KCNH1: variants seen among roughly 807,000 people sequenced by gnomAD.
KCNH1 encodes potassium voltage-gated channel subfamily H member 1.
KCNH1 carries 27 observed loss-of-function variants against 69.2 expected under a neutral mutation model. The observed-to-expected ratio is 0.39, with a 90% CI of 0.29 to 0.54. The LOEUF (loss-of-function observed/expected upper bound fraction) is 0.54. Ranked by LOEUF, KCNH1 falls within the 20% of genes least tolerant of loss-of-function variation. The pLI is 0.68. For synonymous variants in KCNH1, 456 were observed against 487.7 expected, an observed-to-expected ratio of 0.93 and a Z score of 0.86; for missense variants, 798 against 1,261.6, an observed-to-expected ratio of 0.63 and a Z score of 5.57.
At chr1:211,058,551 G>T (rs1048473071) in intron 5 of KCNH1, among the ~76,000 whole-genome samples, 1 of 152,014 alleles carries the variant, frequency 6.6e-6, no homozygotes, top group African/African-American at 2.4e-5. Flanking sequence ...AATAATGGCT[G>T]ATATTATTCC....
At chr1:210,865,301 A>G (rs1686083774) in intron 7 of KCNH1, among the ~76,000 whole-genome samples, 1 of 152,240 alleles carries the variant, frequency 6.6e-6, no homozygotes, top group Non-Finnish European at 1.5e-5. Context: ...TAATACTGCA[A>G]GGTAATTTAT....
In KCNH1 at chr1:210,682,169, C is replaced by G. The variant is rs1184065678; in HGVS notation, c.*1112G>C. ...TTTTCCATTTTCTCTTGAAATCCTA[C>G]TGACTTTAATAGGAAATAGAGAGAC... On this transcript the variant is annotated 3_prime_UTR_variant, in exon 11 of 11. Coordinates refer to ENST00000271751, the MANE Select transcript of KCNH1 (RefSeq NM_172362.3). 6.6e-6 allele frequency: 1 copy of G among 152,208 alleles called. No individual in the cohort carries two copies. The highest frequency in any genetic ancestry group is 1.5e-5 in the Non-Finnish European group (1 of 68,040). 9.4% of individuals were successfully genotyped at this position (152,208 alleles called of 1,614,324 possible).
intron 6 of KCNH1, among the ~76,000 whole-genome samples, chr1:210,966,474 C>T (rs1254724034): frequency 6.6e-6 from 1 of 152,154 alleles, no homozygotes; most frequent in East Asian, 1.9e-4. Context: ...AAAATTTTTG[C>T]AAGCTACTCA....
chr1:210,742,839 GTGTC>G, intron 10 of KCNH1, among the ~76,000 whole-genome samples: 1 of 152,056 alleles, frequency 6.6e-6, no homozygotes, highest in Non-Finnish European at 1.5e-5. Context: ...TTCATGGTGT[GTGTC>G]TGTGTGTGTG....
chr1:211,096,125 G>A (rs55920547), intron 3 of KCNH1, among the ~76,000 whole-genome samples: 2,890 of 151,894 alleles, frequency 0.019, 102 homozygotes, highest in African/African-American at 0.066. Context: ...GTGCAGTGGC[G>A]CAATCTCAGC....
chr1:211,043,371 C>T (rs1029734368), intron 5 of KCNH1, among the ~76,000 whole-genome samples: 16 of 152,072 alleles, frequency 1.1e-4, no homozygotes, highest in Admixed American at 3.9e-4. Flanking sequence ...TGGATGAATT[C>T]CTGGAAAGAT....
chr1:210,820,919 G>A (rs1241821889), intron 7 of KCNH1, among the ~76,000 whole-genome samples: 3 of 152,156 alleles, frequency 2.0e-5, no homozygotes, highest in African/African-American at 7.2e-5. Flanking sequence ...GCACAGCCCT[G>A]CTGACACTTT....
chr1:210,820,151 T>C (rs1684900453), intron 7 of KCNH1, among the ~76,000 whole-genome samples: 2 of 152,240 alleles, frequency 1.3e-5, no homozygotes, highest in Admixed American at 6.5e-5. Flanking sequence ...AGATAACTCA[T>C]ACAGAAATGT....
intron 8 of KCNH1, among the ~76,000 whole-genome samples, chr1:210,798,943 T>G (rs1014166382): frequency 1.3e-5 from 2 of 151,998 alleles, no homozygotes; most frequent in Admixed American, 6.6e-5. Flanking sequence ...ATCAAACACA[T>G]TATGGTATGT....
At chr1:210,926,595 T>C (rs1182800458) in intron 6 of KCNH1, among the ~76,000 whole-genome samples, 1 of 152,110 alleles carries the variant, frequency 6.6e-6, no homozygotes, top group East Asian at 1.9e-4. Flanking sequence ...TTCCCTCTGA[T>C]ATAGTAAACC....
intron 7 of KCNH1, among the ~76,000 whole-genome samples, chr1:210,863,560 A>G (rs1007823504): frequency 3.3e-5 from 5 of 152,190 alleles, no homozygotes; most frequent in Non-Finnish European, 7.3e-5. Flanking sequence ...AGTAAATGCC[A>G]TTTCCAGTTA....
intron 5 of KCNH1, among the ~76,000 whole-genome samples, chr1:211,021,666 A>G (rs1558571096): frequency 6.6e-6 from 1 of 152,118 alleles, no homozygotes; most frequent in Non-Finnish European, 1.5e-5. Context: ...TACAAAAGTC[A>G]GTAGCATTTC....
chr1:210,954,009 T>C (rs1688112799), intron 6 of KCNH1, among the ~76,000 whole-genome samples: 1 of 152,182 alleles, frequency 6.6e-6, no homozygotes, highest in Non-Finnish European at 1.5e-5. Flanking sequence ...CAACTCGTCA[T>C]TTACATTAGG....
chr1:210,862,066 G>T, intron 7 of KCNH1: 1 of 815,954 alleles, frequency 1.2e-6, no homozygotes. Context: ...ATACTTTTGT[G>T]CTGTTTCTTG....
chr1:210,956,475 T>A (rs1215245284), intron 6 of KCNH1, among the ~76,000 whole-genome samples: 1 of 152,028 alleles, frequency 6.6e-6, no homozygotes, highest in East Asian at 1.9e-4. Flanking sequence ...TCAGAAGGAA[T>A]GGTACAAGCT....
chr1:210,913,728 T>C (rs1268536864), intron 7 of KCNH1, among the ~76,000 whole-genome samples: 1 of 152,212 alleles, frequency 6.6e-6, no homozygotes, highest in African/African-American at 2.4e-5. Flanking sequence ...AGAAGGAAAG[T>C]TGAGGCTGAC....
At chr1:210,769,872 C>T (rs1683717413) in intron 10 of KCNH1, among the ~76,000 whole-genome samples, 1 of 152,126 alleles carries the variant, frequency 6.6e-6, no homozygotes, top group South Asian at 2.1e-4. Context: ...TTCAGAACCT[C>T]TAAGACTGGA....
intron 7 of KCNH1, among the ~76,000 whole-genome samples, chr1:210,832,907 C>CATATATATATATATATAT (rs367619819): frequency 0.048 from 5,261 of 110,338 alleles, 294 homozygotes; most frequent in Non-Finnish European, 0.084. Context: ...TTCTCAAATA[C>CATATATATATATATATAT]ATATATATAT....
chr1:210,958,678 TC>T (rs1688232095), intron 6 of KCNH1, among the ~76,000 whole-genome samples: 1 of 152,214 alleles, frequency 6.6e-6, no homozygotes, highest in African/African-American at 2.4e-5. Context: ...ATCACTGATA[TC>T]CTTTCTTCCA....
Sources: allele counts gnomAD v4.1 joint callset (sites outside exome capture counted in the v4.1 genomes callset), GRCh38; gene constraint gnomAD v4.1.1; transcripts MANE v1.5; gene names NCBI Gene and HGNC (gene_info 2026-07-23, HGNC 2026-07-21).